The following PARD3 variants were observed in gnomAD, a reference collection of about 807,000 sequenced individuals.
PARD3 encodes par-3 family cell polarity regulator.
A neutral mutation model predicts 155.4 loss-of-function variants in PARD3; 75 were observed. The ratio of observed to expected loss-of-function variants is 0.48; its 90% CI spans 0.40 to 0.58. The LOEUF (loss-of-function observed/expected upper bound fraction) is 0.58, where lower values mean the gene tolerates loss of function less well. Ranked by LOEUF, PARD3 falls within the 20% of genes least tolerant of loss-of-function variation. The probability of loss-of-function intolerance (pLI) is 0.00; values close to 1 mark genes in which losing one functional copy is unlikely to be tolerated. For missense variants in PARD3, 1,642 were observed against 1,721.7 expected, an observed-to-expected ratio of 0.95 and a Z score of 0.82; for synonymous variants, 576 against 610.5, an observed-to-expected ratio of 0.94 and a Z score of 0.83.
chr10:34,304,642 C>T (rs944393275), intron 20 of PARD3, among the ~76,000 whole-genome samples: 2 of 152,150 alleles, frequency 1.3e-5, no homozygotes, highest in Admixed American at 6.5e-5. Context: ...TGTTCAAATT[C>T]GGTGTGACTC....
At chr10:34,558,007 T>A (rs1464452038) in intron 2 of PARD3, among the ~76,000 whole-genome samples, 13 of 151,736 alleles carry the variant, frequency 8.6e-5, no homozygotes, top group Admixed American at 7.9e-4. Context: ...ATTCTCGTTA[T>A]GATTTTGCCA....
intron 1 of PARD3, among the ~76,000 whole-genome samples, chr10:34,710,424 CT>C (rs2094433523): frequency 1.5e-5 from 2 of 130,988 alleles, no homozygotes; most frequent in Admixed American, 1.7e-4. Flanking sequence ...ACATTTCTTT[CT>C]TTCCCATCTC....
chr10:34,322,955 T>C lies in PARD3; in HGVS notation c.2834-5617A>G, dbSNP rs562796941. Among the ~76,000 whole-genome samples, 117 of 152,336 alleles carry C rather than the reference T, an allele frequency of 7.7e-4. 2 individuals carry two copies. Among genetic ancestry groups the C allele is most frequent in the South Asian group, 6.4e-3 (31 of 4,822 alleles). On this transcript the variant is annotated intron_variant, in intron 19 of 24. Transcript: ENST00000374788. ...ACAGGGTGACTCAGTCTTCACAAGC[T>C]ATATTCTTAAAACAAAACTTTTAAG...
intron 1 of PARD3, among the ~76,000 whole-genome samples, chr10:34,772,629 T>C (rs1291471176): frequency 1.3e-5 from 2 of 151,504 alleles, no homozygotes; most frequent in African/African-American, 4.9e-5. Context: ...CTGTCTCTAC[T>C]AAAAATACAA....
At chr10:34,698,321 T>G (rs149891915) in intron 1 of PARD3, among the ~76,000 whole-genome samples, 2 of 152,274 alleles carry the variant, frequency 1.3e-5, no homozygotes, top group African/African-American at 4.8e-5. Flanking sequence ...CCTTCAGAAC[T>G]TGCTACATTT....
At chr10:34,417,369 A>G (rs1324325473) in intron 5 of PARD3, among the ~76,000 whole-genome samples, 1 of 152,184 alleles carries the variant, frequency 6.6e-6, no homozygotes, top group Non-Finnish European at 1.5e-5. Flanking sequence ...GATTACACTG[A>G]ATTTCCTATG....
intron 5 of PARD3, among the ~76,000 whole-genome samples, chr10:34,409,190 A>G (rs17474366): frequency 0.067 from 10,197 of 152,234 alleles, 454 homozygotes; most frequent in Non-Finnish European, 0.096. Flanking sequence ...ACATGACTCC[A>G]TACAACCAAA....
intron 4 of PARD3, among the ~76,000 whole-genome samples, chr10:34,467,370 GGTT>G (rs2078076705): frequency 7.0e-6 from 1 of 142,076 alleles, no homozygotes; most frequent in Non-Finnish European, 1.5e-5. Context: ...TGTAAATACT[GGTT>G]GTTGCTGGGT....
intron 5 of PARD3, among the ~76,000 whole-genome samples, chr10:34,414,151 T>C (rs1350254812): frequency 6.6e-6 from 1 of 150,668 alleles, no homozygotes; most frequent in Non-Finnish European, 1.5e-5. Flanking sequence ...TGAGCTATAT[T>C]CATGCCGCTG....
chr10:34,725,071 T>A (rs976389608), intron 1 of PARD3, among the ~76,000 whole-genome samples: 2 of 151,358 alleles, frequency 1.3e-5, no homozygotes, highest in East Asian at 3.9e-4. Flanking sequence ...CCCTTACTCA[T>A]AGAATTGTTA....
chr10:34,148,349 G>A (rs940595968), intron 22 of PARD3, among the ~76,000 whole-genome samples: 10 of 152,010 alleles, frequency 6.6e-5, no homozygotes, highest in African/African-American at 1.2e-4. Flanking sequence ...CACAGATACC[G>A]TTTTGTTTTG....
At chr10:34,366,304 G>T (rs1358895755) in intron 12 of PARD3, among the ~76,000 whole-genome samples, 1 of 152,112 alleles carries the variant, frequency 6.6e-6, no homozygotes, top group Admixed American at 6.6e-5. Context: ...TAATTATTTT[G>T]CCCAACTGAA....
At chr10:34,252,797 T>C (rs1954402866) in intron 22 of PARD3, among the ~76,000 whole-genome samples, 1 of 152,138 alleles carries the variant, frequency 6.6e-6, no homozygotes, top group African/African-American at 2.4e-5. Flanking sequence ...TTACACATTT[T>C]CAAGAACGGA....
At chr10:34,234,756 C>A (rs1245694030) in intron 22 of PARD3, among the ~76,000 whole-genome samples, 1 of 152,172 alleles carries the variant, frequency 6.6e-6, no homozygotes, top group Admixed American at 6.5e-5. Flanking sequence ...ATGTACCCAG[C>A]ACAGTGACCT....
chr10:34,782,867 C>T (rs1423697865), intron 1 of PARD3, among the ~76,000 whole-genome samples: 67 of 152,006 alleles, frequency 4.4e-4, no homozygotes, highest in Non-Finnish European at 4.4e-5. Context: ...GCTGGGATTA[C>T]AGGCATGCAC....
At chr10:34,537,690 A>G (rs1272065694) in intron 2 of PARD3, among the ~76,000 whole-genome samples, 1 of 152,248 alleles carries the variant, frequency 6.6e-6, no homozygotes, top group Non-Finnish European at 1.5e-5. Flanking sequence ...AGGAGACATG[A>G]CAGCAAATAC....
intron 22 of PARD3, among the ~76,000 whole-genome samples, chr10:34,168,586 G>C (rs1209288009): frequency 6.6e-6 from 1 of 152,124 alleles, no homozygotes; most frequent in Non-Finnish European, 1.5e-5. Context: ...GTCATTGGGA[G>C]GGCGAGGAGC....
chr10:34,146,125 A>G (rs1471915670), intron 22 of PARD3, among the ~76,000 whole-genome samples: 1 of 152,152 alleles, frequency 6.6e-6, no homozygotes, highest in Non-Finnish European at 1.5e-5. Context: ...TCTATATCTC[A>G]TTCTGTTTCT....
chr10:34,374,762 G>A (rs998396258), intron 11 of PARD3, 112 bp downstream of exon 11: 14 of 992,404 alleles, frequency 1.4e-5, no homozygotes, highest in Non-Finnish European at 2.1e-5. Context: ...AGAAATATAA[G>A]ATCTAGAAAC....
Sources: gnomAD v4.1 joint callset for allele counts (sites outside exome capture counted in the v4.1 genomes callset) on GRCh38, gnomAD v4.1.1 for gene constraint, MANE v1.5 for transcripts, NCBI Gene and HGNC (gene_info 2026-07-23, HGNC 2026-07-21) for gene names.